The following NRCAM variants were observed in gnomAD, a reference collection of about 807,000 sequenced individuals.
NRCAM encodes NgCAM-related cell adhesion molecule.
Under a neutral mutation model 156.5 loss-of-function variants are expected in NRCAM, and 83 were observed. The observed-to-expected ratio is 0.53, with a 90% CI of 0.44 to 0.64. NRCAM has a LOEUF of 0.64. NRCAM is among the 30% of genes least tolerant of loss of function. The pLI, the probability that NRCAM is intolerant of heterozygous loss-of-function variation, is 0.00. For synonymous variants in NRCAM, 538 were observed against 563.9 expected (o/e 0.95, Z 0.65); for missense variants, 1,417 against 1,597.3 (o/e 0.89, Z 1.92).
chr7:108,441,336 G>A (rs1838289998), intron 1 of NRCAM, among the ~76,000 whole-genome samples: 1 of 152,078 alleles, frequency 6.6e-6, no homozygotes, highest in Non-Finnish European at 1.5e-5. Flanking sequence ...CAATCCTATT[G>A]ACTAAAACAG....
chr7:108,191,839 T>C lies in NRCAM; in HGVS notation c.1793A>G (p.Lys598Arg). 6.2e-7 allele frequency: 1 copy of C among 1,613,542 alleles called. No individual in the cohort carries two copies. The highest frequency in any genetic ancestry group is 8.5e-7 in the Non-Finnish European group (1 of 1,179,966). ...GACATCAGCTACCACTAGATGATCCTTGTCAACAGTGAACCTGTGGATAGA... is the reference window on the plus strand; with the variant it reads ...GACATCAGCTACCACTAGATGATCCCTGTCAACAGTGAACCTGTGGATAGA... ...LPSDERFTVD[K>R]DHLVVADVSD... The change falls in exon 18 of 33, where the codon AAG becomes AGG. Residue 598 changes from lysine to arginine, a missense_variant. By Grantham distance (26) the Lys-to-Arg change is conservative. Coordinates refer to ENST00000379028, the MANE Select transcript of NRCAM (RefSeq NM_001037132.4).
At chr7:108,345,205 C>T (rs761894747) in intron 2 of NRCAM, among the ~76,000 whole-genome samples, 1 of 152,130 alleles carries the variant, frequency 6.6e-6, no homozygotes, top group Non-Finnish European at 1.5e-5. Flanking sequence ...GTCTGGGTTC[C>T]AGGTTCATCT....
At chr7:108,293,461 C>T (rs922510523) in intron 3 of NRCAM, among the ~76,000 whole-genome samples, 2 of 152,134 alleles carry the variant, frequency 1.3e-5, no homozygotes, top group Non-Finnish European at 1.5e-5. Flanking sequence ...TGCAAAAAAA[C>T]ATTTTTAAAT....
intron 3 of NRCAM, among the ~76,000 whole-genome samples, chr7:108,309,046 T>C (rs1240998611): frequency 6.6e-6 from 1 of 152,212 alleles, no homozygotes; most frequent in East Asian, 1.9e-4. Flanking sequence ...AGCTGAGCAG[T>C]CGCCTGGGTT....
At chr7:108,285,481 A>G (rs2098058726) in intron 3 of NRCAM, among the ~76,000 whole-genome samples, 1 of 152,236 alleles carries the variant, frequency 6.6e-6, no homozygotes, top group Non-Finnish European at 1.5e-5. Flanking sequence ...TTAGTCCTAA[A>G]GAGAAACAAC....
At chr7:108,285,718 T>C (rs1340496194) in intron 3 of NRCAM, among the ~76,000 whole-genome samples, 2 of 152,236 alleles carry the variant, frequency 1.3e-5, no homozygotes, top group African/African-American at 2.4e-5. Flanking sequence ...TCATTCACTA[T>C]ATTTTGTCAG....
chr7:108,233,731 G>T (rs562151586), intron 6 of NRCAM, among the ~76,000 whole-genome samples: 1 of 152,228 alleles, frequency 6.6e-6, no homozygotes, highest in South Asian at 2.1e-4. Flanking sequence ...AATAAGGTCT[G>T]TAATAGACAA....
chr7:108,448,288 G>A (rs1351118398), intron 1 of NRCAM, among the ~76,000 whole-genome samples: 1 of 152,132 alleles, frequency 6.6e-6, no homozygotes, highest in African/African-American at 2.4e-5. Flanking sequence ...TATTATGTTG[G>A]AATTTCCATG....
chr7:108,291,071 C>T (rs997148848), intron 3 of NRCAM, among the ~76,000 whole-genome samples: 1 of 152,062 alleles, frequency 6.6e-6, no homozygotes, highest in African/African-American at 2.4e-5. Context: ...CCGGCGAGTC[C>T]AGAATCTAGT....
At chr7:108,167,159 T>C (rs1446341243) in intron 29 of NRCAM, 86 bp from the exon 30 acceptor site, 3 of 983,012 alleles carry the variant, frequency 3.1e-6, no homozygotes, top group East Asian at 2.6e-5. Flanking sequence ...AAATTCTTTA[T>C]AAGCTAAAGA....
chr7:108,211,312 G>A (rs568027254), intron 11 of NRCAM, among the ~76,000 whole-genome samples: 2 of 152,082 alleles, frequency 1.3e-5, no homozygotes, highest in Non-Finnish European at 2.9e-5. Flanking sequence ...AGAGGTGTGG[G>A]GAAAATGCCA....
intron 2 of NRCAM, among the ~76,000 whole-genome samples, chr7:108,348,840 A>T (rs62469221): frequency 0.58 from 86,624 of 149,736 alleles, 25,501 homozygotes; most frequent in East Asian, 0.83. Context: ...GAAGTGGAGG[A>T]AGCAGTGAGA....
intron 3 of NRCAM, among the ~76,000 whole-genome samples, chr7:108,278,303 A>AAGTCG (rs1221725913): frequency 1.6e-4 from 25 of 152,134 alleles, no homozygotes; most frequent in African/African-American, 6.0e-4. Context: ...AAGTCTGCAG[A>AAGTCG]AGTCGTCTGC....
intron 1 of NRCAM, among the ~76,000 whole-genome samples, chr7:108,416,417 T>C (rs1801640295): frequency 6.6e-6 from 1 of 152,130 alleles, no homozygotes; most frequent in Admixed American, 6.6e-5. Context: ...CACAGGCGTG[T>C]GGCAAAGGAA....
chr7:108,386,814 A>G (rs1359627668), intron 2 of NRCAM, among the ~76,000 whole-genome samples: 4 of 152,256 alleles, frequency 2.6e-5, no homozygotes, highest in African/African-American at 9.6e-5. Flanking sequence ...AACAAAACAT[A>G]CGTGTTTGAA....
At chr7:108,168,100 C>G (rs146810471) in intron 29 of NRCAM, among the ~76,000 whole-genome samples, 177 bp downstream of exon 29, 3 of 152,188 alleles carry the variant, frequency 2.0e-5, no homozygotes, top group Non-Finnish European at 4.4e-5. Context: ...AATTCCTAGT[C>G]GTGCATATAA....
intron 30 of NRCAM, among the ~76,000 whole-genome samples, chr7:108,160,971 G>A (rs1247505997): frequency 2.0e-5 from 3 of 152,070 alleles, no homozygotes; most frequent in Admixed American, 6.6e-5. Flanking sequence ...GCCATTTTCA[G>A]TATTTTTTAG....
At chr7:108,275,356 T>G (rs986107522) in intron 3 of NRCAM, among the ~76,000 whole-genome samples, 1 of 152,210 alleles carries the variant, frequency 6.6e-6, no homozygotes, top group African/African-American at 2.4e-5. Context: ...CAGCTGGGAA[T>G]CCATCTTGTC....
At position 108,415,607 on chromosome 7, in the gene NRCAM, C is replaced by T. The variant is rs570178255; in HGVS notation, c.-331-16014G>A. On this transcript the variant is annotated intron_variant, in intron 1 of 32. Transcript: ENST00000379028. ...CCATAAAAAGGAGAAGAAGGCCGGG[C>T]GCAGTGGCTCATGCCTGTATCCCAG... is the stretch of plus-strand genomic sequence containing the variant. Among the ~76,000 whole-genome samples, 6 of 152,148 alleles carry T rather than the reference C, an allele frequency of 3.9e-5. No individual in the cohort carries two copies. The East Asian group carries it at 5.8e-4, about 15-fold the overall frequency.
Sources: gnomAD v4.1 joint callset for allele counts (sites outside exome capture counted in the v4.1 genomes callset) on GRCh38, gnomAD v4.1.1 for gene constraint, MANE v1.5 for transcripts, NCBI Gene and HGNC (gene_info 2026-07-23, HGNC 2026-07-21) for gene names.